Variants in ZNF439 observed in about 807,000 individuals in gnomAD.
ZNF439 encodes the protein zinc finger protein 439.
A neutral mutation model predicts 47.3 loss-of-function variants in ZNF439; 40 were observed. That is an observed-to-expected ratio of 0.85 (90% CI 0.66 to 1.10). ZNF439 has a LOEUF of 1.10. Ranked by LOEUF, ZNF439 falls within the 50% of genes least tolerant of loss-of-function variation. The probability of loss-of-function intolerance (pLI) is 0.00; values close to 1 mark genes in which losing one functional copy is unlikely to be tolerated. For missense variants in ZNF439, 556 were observed against 601.1 expected, an observed-to-expected ratio of 0.93 and a Z score of 0.78; for synonymous variants, 171 against 198.8, an observed-to-expected ratio of 0.86 and a Z score of 1.18.
chr19:11,850,701 A>G (rs1439498026), intron 1 of ZNF439: 1 of 152,186 alleles, frequency 6.6e-6, no homozygotes, highest in Non-Finnish European at 1.5e-5. Context: ...GGAATTCAAG[A>G]CGAGTCACAA....
At chr19:11,863,881 C>T (rs749809771) in intron 1 of ZNF439, among the ~76,000 whole-genome samples, 3 of 152,138 alleles carry the variant, frequency 2.0e-5, no homozygotes, top group Non-Finnish European at 2.9e-5. Flanking sequence ...TTTTGTGCCA[C>T]CATGTCTAAT....
In ZNF439 at chr19:11,868,367, C is replaced by A. The variant is rs763181610; in HGVS notation, c.1313C>A (p.Thr438Asn). ...PNLQLHGRTH[T>N]GEKPYQCKEC... ...CTTCAATTGCATGGTAGGACTCACA[C>A]TGGAGAGAAACCGTATCAATGTAAG... Residue 438 changes from threonine to asparagine, a missense_variant, in exon 4 of 4, where the codon ACT (threonine) becomes AAT (asparagine). Physicochemically the swap from Thr to Asn is moderately conservative, Grantham distance 65. Coordinates refer to ENST00000682736, the MANE Select transcript of ZNF439 (RefSeq NM_001348719.2). 6.2e-7 allele frequency: 1 copy of A among 1,605,750 alleles called. No individual in the cohort carries two copies. Among genetic ancestry groups the A allele is most frequent in the Admixed American group, 1.7e-5 (1 of 59,624 alleles).
Position 11,848,750 on chromosome 19 carries a change from G to T in ZNF439, c.-118G>T. On this transcript the variant is annotated 5_prime_UTR_variant, in exon 1 of 4. It removes an upstream start codon present in the reference 5' UTR. Coordinates refer to ENST00000682736, the MANE Select transcript of ZNF439 (RefSeq NM_001348719.2). ...CACTGTGCATCCAGGCACGGAGGATGTTGCATTCCTGCCGTCACCTTTGTC... is the reference window on the plus strand; with the variant it reads ...CACTGTGCATCCAGGCACGGAGGATTTTGCATTCCTGCCGTCACCTTTGTC... 1 of 1,244,636 alleles carries T rather than the reference G, an allele frequency of 8.0e-7. No individual in the cohort carries two copies. The highest frequency in any genetic ancestry group is 1.0e-6 in the Non-Finnish European group (1 of 966,444). 77.1% of individuals were successfully genotyped at this position (1,244,636 alleles called of 1,614,324 possible).
chr19:11,853,707 C>G (rs747186096), intron 1 of ZNF439, among the ~76,000 whole-genome samples: 2 of 152,158 alleles, frequency 1.3e-5, no homozygotes, highest in East Asian at 1.9e-4. Context: ...CTTGGGCTCC[C>G]AACATCTCTC....
At chr19:11,857,678 T>C (rs1976424767) in intron 1 of ZNF439, 1 of 152,252 alleles carries the variant, frequency 6.6e-6, no homozygotes, top group Admixed American at 6.5e-5. Flanking sequence ...TTGATAAAGA[T>C]GTTTGAGTCG....
At chr19:11,855,442 T>C (rs1599313604) in intron 1 of ZNF439, among the ~76,000 whole-genome samples, 1 of 152,146 alleles carries the variant, frequency 6.6e-6, no homozygotes, top group Non-Finnish European at 1.5e-5. Flanking sequence ...GACTTTTCCA[T>C]AGTGATTCCA....
chr19:11,868,134 A>G lies in ZNF439; in HGVS notation c.1080A>G (p.Glu360=). Residue 360 remains glutamate (E), a synonymous_variant, in exon 4 of 4, where the codon GAA becomes GAG. Transcript: ENST00000682736. ...IRMHSGERPY[E]CKTCGKGFYS... is the part of the protein sequence containing the mutation. ...TGCACTCTGGAGAAAGACCTTATGA[A>G]TGTAAGACATGTGGGAAAGGCTTTT... 1.2e-6 allele frequency: 2 copies of G among 1,614,216 alleles called. No individual in the cohort carries two copies.
intron 1 of ZNF439, chr19:11,865,856 T>A (rs765779688): frequency 3.7e-6 from 1 of 272,190 alleles, no homozygotes; most frequent in Non-Finnish European, 6.3e-6. Flanking sequence ...GGAGAAACCC[T>A]GTCTCTACTA....
intron 1 of ZNF439, among the ~76,000 whole-genome samples, chr19:11,863,548 G>A (rs1976596823): frequency 6.6e-6 from 1 of 152,102 alleles, no homozygotes; most frequent in Non-Finnish European, 1.5e-5. Context: ...TCAGATAGGT[G>A]TCCTGCAAAT....
chr19:11,854,236 T>A (rs990794735), intron 1 of ZNF439, among the ~76,000 whole-genome samples: 8 of 152,172 alleles, frequency 5.3e-5, no homozygotes, highest in Admixed American at 3.3e-4. Flanking sequence ...TACTGAACTG[T>A]TTGAATAGAA....
intron 1 of ZNF439, among the ~76,000 whole-genome samples, chr19:11,851,844 C>T (rs771615201): frequency 2.0e-5 from 3 of 151,942 alleles, no homozygotes; most frequent in Non-Finnish European, 4.4e-5. Flanking sequence ...GGTGGGGTCT[C>T]GATACATTGC....
chr19:11,862,578 T>A (rs1171346188), intron 1 of ZNF439, among the ~76,000 whole-genome samples: 1 of 152,172 alleles, frequency 6.6e-6, no homozygotes, highest in Non-Finnish European at 1.5e-5. Context: ...AGACCGTGCT[T>A]ATTTTCTTCA....
In ZNF439 at chr19:11,867,947, T is replaced by C. The variant is rs1248073871; in HGVS notation, c.893T>C (p.Met298Thr). The change falls in exon 4 of 4, where the codon ATG (methionine) becomes ACG (threonine). Residue 298 changes from methionine to threonine, a missense_variant. Physicochemically the swap from Met to Thr is moderately conservative, Grantham distance 81. Coordinates refer to ENST00000682736, the MANE Select transcript of ZNF439 (RefSeq NM_001348719.2). ...RSCHRHERSH[M>T]GEKAYQCKEC... ...TGTCACAGACATGAAAGGAGTCACA[T>C]GGGAGAGAAGGCTTATCAATGTAAG... The C allele has an allele frequency of 6.2e-7, 1 of 1,613,844 alleles. No homozygotes were observed. Among genetic ancestry groups the C allele is most frequent in the Non-Finnish European group, 8.5e-7 (1 of 1,179,988 alleles).
chr19:11,855,247 A>AGGATTGGG (rs1976354190), intron 1 of ZNF439, among the ~76,000 whole-genome samples: 2 of 152,206 alleles, frequency 1.3e-5, no homozygotes, highest in Non-Finnish European at 2.9e-5. Context: ...TTAGGTCCCC[A>AGGATTGGG]ATCCACAATG....
rs772941872 is a variant in ZNF439, at chr19:11,868,149, G to A, written c.1095G>A (p.Gly365=). Residue 365 remains glycine (G), a synonymous_variant, in exon 4 of 4, where the codon GGG becomes GGA. Transcript: ENST00000682736. ...GACCTTATGAATGTAAGACATGTGGGAAAGGCTTTTATTCTGCCAAGTCAT... is the reference window on the plus strand; with the variant it reads ...GACCTTATGAATGTAAGACATGTGGAAAAGGCTTTTATTCTGCCAAGTCAT... ...GERPYECKTC[G]KGFYSAKSFQ... is the part of the protein sequence containing the mutation. 1.2e-6 allele frequency: 2 copies of A among 1,614,094 alleles called. No homozygotes were observed. The highest frequency in any genetic ancestry group is 1.7e-5 in the Admixed American group (1 of 60,012).
intron 1 of ZNF439, 162 bp from the exon 2 acceptor site, chr19:11,866,043 T>G: frequency 6.8e-7 from 1 of 1,472,594 alleles, no homozygotes. Context: ...AATTGCTTTA[T>G]GGAAGAAAGT....
chr19:11,868,525 A>C lies in ZNF439; in HGVS notation c.1471A>C (p.Arg491=), dbSNP rs1976780063. 6.2e-7 allele frequency: 1 copy of C among 1,611,622 alleles called. No homozygotes were observed. The highest frequency in any genetic ancestry group is 8.5e-7 in the Non-Finnish European group (1 of 1,179,074). Residue 491 remains arginine (R), a synonymous_variant, in exon 4 of 4, where the codon AGG becomes CGG. Coordinates refer to ENST00000682736, the MANE Select transcript of ZNF439 (RefSeq NM_001348719.2). ...TGTCCAGAACTTTCGATTTCATGAA[A>C]GGACACAAACACATAAGAATGCACT... ...RYVQNFRFHE[R]TQTHKNALWR...
chr19:11,857,094 AT>A (rs1256681335), intron 1 of ZNF439: 1 of 152,246 alleles, frequency 6.6e-6, no homozygotes, highest in African/African-American at 2.4e-5. Flanking sequence ...TTGTCTGAGT[AT>A]GTTTAGGTCC....
chr19:11,861,314 G>T (rs1385541019), intron 1 of ZNF439, among the ~76,000 whole-genome samples: 1 of 152,144 alleles, frequency 6.6e-6, no homozygotes, highest in Admixed American at 6.5e-5. Context: ...TCTGGAAACT[G>T]TACAGGGTGA....
Sources: gnomAD v4.1 joint callset for allele counts (sites outside exome capture counted in the v4.1 genomes callset) on GRCh38, gnomAD v4.1.1 for gene constraint, MANE v1.5 for transcripts, NCBI Gene and HGNC (gene_info 2026-07-23, HGNC 2026-07-21) for gene names.